The following PCDH17 variants were observed in gnomAD, a reference collection of about 807,000 sequenced individuals.
The protein encoded by PCDH17 is protocadherin-17.
PCDH17 carries 21 observed loss-of-function variants against 67.7 expected under a neutral mutation model. The ratio of observed to expected loss-of-function variants is 0.31; its 90% confidence interval spans 0.22 to 0.45. The LOEUF (loss-of-function observed/expected upper bound fraction) is 0.45, where lower values mean the gene tolerates loss of function less well. Ranked by LOEUF, PCDH17 falls within the 20% of genes least tolerant of loss-of-function variation. The pLI is 1.00. For missense variants in PCDH17, 1,471 were observed against 1,564.8 expected, an observed-to-expected ratio of 0.94 and a Z score of 1.01; for synonymous variants, 701 against 656.7, an observed-to-expected ratio of 1.07 and a Z score of -1.03.
At position 57,665,179 on chromosome 13, in the gene PCDH17, G is replaced by GA. The variant is rs566388329; in HGVS notation, c.2566-1289_2566-1288insA. ...TATATATTAAGAAATTTGTGGGGGGGGTTTCTGTCCCCAAACTTGACAATG... is the reference window on the plus strand; with the variant it reads ...TATATATTAAGAAATTTGTGGGGGGGAGTTTCTGTCCCCAAACTTGACAATG... On this transcript the variant is annotated intron_variant, in intron 1 of 3. Transcript: ENST00000377918. Among the ~76,000 whole-genome samples the GA allele has an allele frequency of 1.2e-3, 177 of 144,186 alleles. 2 individuals carry two copies. Among genetic ancestry groups the GA allele is most frequent in the African/African-American group, 4.4e-3 (166 of 38,158 alleles). 94.6% of individuals were successfully genotyped at this position (144,186 alleles called of 152,430 possible).
At chr13:57,636,440 CAT>C (rs1284963981) in intron 1 of PCDH17, among the ~76,000 whole-genome samples, 3 of 152,126 alleles carry the variant, frequency 2.0e-5, no homozygotes, top group Non-Finnish European at 4.4e-5. Context: ...TTCTTTCTAA[CAT>C]AATAAGTATA....
In PCDH17 at chr13:57,633,663, C is replaced by G; in HGVS notation, c.1117C>G (p.Leu373Val). 1 of 1,606,642 alleles carries G rather than the reference C, an allele frequency of 6.2e-7. No homozygotes were observed. The highest frequency in any genetic ancestry group is 8.5e-7 in the Non-Finnish European group (1 of 1,179,924). ...CGCCCCTCCCGGCACCGTCATCGCC[C>G]TGGTGCGGGTCACTGACCGGGACTC... ...EAAPPGTVIA[L>V]VRVTDRDSGK... Residue 373 changes from leucine to valine, a missense_variant, in exon 1 of 4, where the codon CTG (leucine) becomes GTG (valine). Leu to Val is a conservative substitution (Grantham distance 32). This residue lies in a region of PCDH17 where 1,163 missense variants were observed against 1,230.0 expected (regional missense o/e 0.95). Coordinates refer to ENST00000377918, the MANE Select transcript of PCDH17 (RefSeq NM_001040429.3). This position sits in a 1 kb window ranked among gnomAD's most constrained non-coding sequence, Gnocchi z 6.2.
At chr13:57,646,335 C>G (rs1371317932) in intron 1 of PCDH17, among the ~76,000 whole-genome samples, 4 of 151,476 alleles carry the variant, frequency 2.6e-5, no homozygotes, top group Non-Finnish European at 5.9e-5. Flanking sequence ...GGTGTTTAAT[C>G]TATAATTATT....
In PCDH17 at chr13:57,725,324, T is replaced by C. The variant is rs1296267172; in HGVS notation, c.*30T>C. 1.9e-6 allele frequency: 3 copies of C among 1,552,098 alleles called. No individual in the cohort carries two copies. Among genetic ancestry groups the C allele is most frequent in the Non-Finnish European group, 2.6e-6 (3 of 1,144,246 alleles). ...AGAAAAAAAAAAAGGCATTGGCATT[T>C]TCTTGTCTCTTCTGTTGATTTAAAA... On this transcript the variant is annotated 3_prime_UTR_variant, in exon 4 of 4. Transcript: ENST00000377918.
At chr13:57,657,197 A>C (rs1397385981) in intron 1 of PCDH17, among the ~76,000 whole-genome samples, 1 of 152,154 alleles carries the variant, frequency 6.6e-6, no homozygotes, top group Admixed American at 6.6e-5. Context: ...AAAAAAATCT[A>C]AGTCATCCTC....
chr13:57,641,995 A>C (rs959756958), intron 1 of PCDH17, among the ~76,000 whole-genome samples: 2 of 151,778 alleles, frequency 1.3e-5, no homozygotes, highest in East Asian at 3.9e-4. Flanking sequence ...TAATGGTATT[A>C]GAAATTTACT....
At chr13:57,662,604 A>G (rs983232947) in intron 1 of PCDH17, among the ~76,000 whole-genome samples, 11 of 152,182 alleles carry the variant, frequency 7.2e-5, no homozygotes, top group African/African-American at 2.7e-4. Context: ...AGTCTCAGCT[A>G]GCATGACTCA....
rs1315350327 is a variant in PCDH17 at position 57,634,847 on chromosome 13, C to T, written c.2301C>T (p.Ile767=). 6.2e-7 allele frequency: 1 copy of T among 1,613,982 alleles called. No individual in the cohort carries two copies. Among genetic ancestry groups the T allele is most frequent in the African/African-American group, 1.3e-5 (1 of 74,894 alleles). Residue 767 remains isoleucine, a synonymous_variant, in exon 1 of 4, where the codon ATC becomes ATT. Transcript: ENST00000377918. The surrounding 1 kb of genome is among the most constrained non-coding windows in gnomAD (Gnocchi z 7.8). ...AGAAGAAGATCAACAAAAATGATAT[C>T]ATGCTGGTGCAGAGCGAAGTGGAGG... ...GKKKKINKND[I]MLVQSEVEER... is the part of the protein sequence containing the mutation.
intron 1 of PCDH17, among the ~76,000 whole-genome samples, chr13:57,664,398 C>T (rs1664119165): frequency 1.3e-5 from 2 of 152,130 alleles, no homozygotes; most frequent in Admixed American, 1.3e-4. Context: ...AATATGATTT[C>T]ATTTCTTAGC....
rs1955932499 is a variant in PCDH17 at position 57,728,721 on chromosome 13, T to G, written c.*3427T>G. ...ATACAAAGATTGGCTCACTACTCCA[T>G]AGGTTAATTGAATTCCTGGTTGAGA... is the stretch of plus-strand genomic sequence containing the variant. On this transcript the variant is annotated 3_prime_UTR_variant, in exon 4 of 4. Coordinates refer to ENST00000377918, the MANE Select transcript of PCDH17 (RefSeq NM_001040429.3). The G allele has an allele frequency of 6.6e-6, 1 of 152,060 alleles. No individual in the cohort carries two copies. Among genetic ancestry groups the G allele is most frequent in the Non-Finnish European group, 1.5e-5 (1 of 67,974 alleles). The allele number at this position is 152,060 out of a possible 1,614,324, so 9.4% of individuals were successfully genotyped here.
intron 3 of PCDH17, among the ~76,000 whole-genome samples, chr13:57,693,269 G>T (rs1315634496): frequency 1.6e-5 from 2 of 126,456 alleles, no homozygotes; most frequent in African/African-American, 3.0e-5. Flanking sequence ...AGTATTTGAG[G>T]TAAAAAAAAT....
At chr13:57,675,480 G>A (rs1301584959) in intron 3 of PCDH17, among the ~76,000 whole-genome samples, 2 of 151,932 alleles carry the variant, frequency 1.3e-5, no homozygotes, top group African/African-American at 4.8e-5. Flanking sequence ...AAACTATGAG[G>A]TCAGTGCAGT....
chr13:57,691,132 A>G (rs1011018731), intron 3 of PCDH17, among the ~76,000 whole-genome samples: 1 of 151,440 alleles, frequency 6.6e-6, no homozygotes. Context: ...GTGTTTACCA[A>G]AATTAAATAT....
intron 3 of PCDH17, among the ~76,000 whole-genome samples, chr13:57,693,857 A>T (rs2138065579): frequency 1.3e-5 from 2 of 151,082 alleles, no homozygotes; most frequent in South Asian, 4.2e-4. Context: ...TTTAGATTTC[A>T]TCTTTCTATA....
intron 1 of PCDH17, among the ~76,000 whole-genome samples, chr13:57,639,749 A>T (rs556433805): frequency 6.6e-6 from 1 of 152,034 alleles, no homozygotes; most frequent in African/African-American, 2.4e-5. Context: ...TATGCCAAAA[A>T]ATTTGGAATT....
rs552260046 is a variant in PCDH17, at chr13:57,701,281, T to C, written c.2798-23331T>C. ...TGTATCTCCCCCGTTTGTTTGTTTG[T>C]TTGTTTGTTTTTTAACATAACCTGT... On this transcript the variant is annotated intron_variant, in intron 3 of 3. Transcript: ENST00000377918. Among the ~76,000 whole-genome samples, 48 of 152,290 alleles carry C rather than the reference T, an allele frequency of 3.2e-4. No homozygotes were observed. The South Asian group carries it at 9.9e-3, about 32-fold the overall frequency.
At chr13:57,660,665 T>C (rs1444598643) in intron 1 of PCDH17, among the ~76,000 whole-genome samples, 1 of 152,214 alleles carries the variant, frequency 6.6e-6, no homozygotes, top group Non-Finnish European at 1.5e-5. Flanking sequence ...AGCTTCCTTA[T>C]GCTATCTCTC....
intron 3 of PCDH17, among the ~76,000 whole-genome samples, chr13:57,685,045 T>A (rs914623665): frequency 6.6e-6 from 1 of 151,964 alleles, no homozygotes; most frequent in Non-Finnish European, 1.5e-5. Context: ...TCAGATTTTT[T>A]AATTTGCTTT....
intron 3 of PCDH17, among the ~76,000 whole-genome samples, chr13:57,680,829 T>C (rs1955441517): frequency 6.6e-6 from 1 of 151,754 alleles, no homozygotes; most frequent in Admixed American, 6.6e-5. Context: ...TTCTGTTTGT[T>C]GATGATACCC....
Sources: gnomAD v4.1 joint callset for allele counts (sites outside exome capture counted in the v4.1 genomes callset) on GRCh38, gnomAD v4.1.1 for gene constraint, gnomAD v4.1.1 regional missense constraint, Gnocchi (gnomAD v3.1) non-coding constraint, MANE v1.5 for transcripts, NCBI Gene and HGNC (gene_info 2026-07-23, HGNC 2026-07-21) for gene names.